ADGRA1: variants seen among roughly 807,000 people sequenced by gnomAD.
ADGRA1 encodes the protein adhesion G protein-coupled receptor A1, also known as G-protein coupled receptor 123.
ADGRA1 carries 12 observed loss-of-function variants against 21.3 expected under a neutral mutation model. The observed-to-expected ratio is 0.56, with a 90% CI of 0.36 to 0.91. The LOEUF is 0.91. Among genes scored for constraint, ADGRA1 ranks in the 40% least tolerant of loss-of-function variants. ADGRA1 has a pLI of 0.01. For synonymous variants in ADGRA1, 385 were observed against 368.8 expected, an observed-to-expected ratio of 1.04 and a Z score of -0.50; for missense variants, 790 against 805.6, an observed-to-expected ratio of 0.98 and a Z score of 0.23.
chr10:133,121,571 CATGCCTGTGCATGTGT>C (rs1852259162), intron 5 of ADGRA1, among the ~76,000 whole-genome samples: 1 of 133,638 alleles, frequency 7.5e-6, no homozygotes, highest in South Asian at 2.4e-4. Flanking sequence ...TGTTTGTGTG[CATGCCTGTGCATGTGT>C]GTGCCTGTGC....
chr10:133,104,169 C>T (rs1439781203), intron 5 of ADGRA1, among the ~76,000 whole-genome samples: 1 of 152,222 alleles, frequency 6.6e-6, no homozygotes, highest in Non-Finnish European at 1.5e-5. Context: ...CATTTGCACC[C>T]GGAGCATTTT....
In ADGRA1 at chr10:133,129,639, T is replaced by TTCCTTGTGATCACACCCCTGCCCCG; in HGVS notation, c.*152_*153insGTCCTTGTGATCACACCCCTGCCCC. 1 of 440,292 alleles carries TTCCTTGTGATCACACCCCTGCCCCG rather than the reference T, an allele frequency of 2.3e-6. No individual in the cohort carries two copies. Among genetic ancestry groups the TTCCTTGTGATCACACCCCTGCCCCG allele is most frequent in the Non-Finnish European group, 3.7e-6 (1 of 267,742 alleles). 27.3% of individuals were successfully genotyped at this position (440,292 alleles called of 1,614,324 possible). On this transcript the variant is annotated 3_prime_UTR_variant, in exon 7 of 7. Coordinates refer to ENST00000392607, the MANE Select transcript of ADGRA1 (RefSeq NM_001083909.3). ...CAGAAGCCGTTCACACCCCTGCCCC[T>TTCCTTGTGATCACACCCCTGCCCCG]TCCTTGTGATCACACCCCTGCCCCT...
chr10:133,123,654 C>T (rs540800427), intron 5 of ADGRA1, among the ~76,000 whole-genome samples: 16 of 152,214 alleles, frequency 1.1e-4, no homozygotes, highest in African/African-American at 3.6e-4. Flanking sequence ...GTCGAGAGGC[C>T]GTAAGGTCCG....
intron 5 of ADGRA1, among the ~76,000 whole-genome samples, chr10:133,109,676 G>A (rs1419503746): frequency 6.6e-6 from 1 of 152,180 alleles, no homozygotes; most frequent in East Asian, 1.9e-4. Flanking sequence ...TCCCCTCGAT[G>A]ACAATGACGG....
rs1852514584 is a variant in ADGRA1, at chr10:133,130,987, G to C, written c.*1476G>C. The C allele has an allele frequency of 6.6e-6, 1 of 152,262 alleles. No homozygotes were observed. The highest frequency in any genetic ancestry group is 1.5e-5 in the Non-Finnish European group (1 of 68,050). 9.4% of individuals were successfully genotyped at this position (152,262 alleles called of 1,614,324 possible). A position where few individuals can be genotyped will look rare whatever the true frequency, so the allele number is the denominator to read the frequency against. ...CCACCCACACACTGGGTTTGCATTG[G>C]AGATTGTTTCACCCTGCAAACGTCA... On this transcript the variant is annotated 3_prime_UTR_variant, in exon 7 of 7. Transcript: ENST00000392607.
At chr10:133,111,431 A>G (rs28674599) in intron 5 of ADGRA1, among the ~76,000 whole-genome samples, 200 of 996 alleles carry the variant, frequency 0.2, 9 homozygotes, top group Non-Finnish European at 0.21. Context: ...CCCACCACGG[A>G]CACCTCCCTC....
intron 3 of ADGRA1, 91 bp from the exon 4 acceptor site, chr10:133,098,548 CG>C (rs1851729616): frequency 6.7e-7 from 1 of 1,485,248 alleles, no homozygotes; most frequent in Non-Finnish European, 9.0e-7. Flanking sequence ...CCGGACTTCC[CG>C]GGGACAGAGC....
chr10:133,089,695 C>A (rs1446800717), intron 2 of ADGRA1, among the ~76,000 whole-genome samples: 1 of 152,222 alleles, frequency 6.6e-6, no homozygotes, highest in Non-Finnish European at 1.5e-5. Flanking sequence ...CGGAGCAGAC[C>A]CAGTGTTCGC....
In ADGRA1 at chr10:133,102,165, C is replaced by A. The variant is rs746187019; in HGVS notation, c.256-532C>A. ...TGCAGGGCCACACGAATGCCGGCCC[C>A]GTGGGGGGCTCATCCCACCCACAGT... On this transcript the variant is annotated intron_variant, in intron 4 of 6. Coordinates refer to ENST00000392607, the MANE Select transcript of ADGRA1 (RefSeq NM_001083909.3). 2.0e-5 allele frequency: 9 copies of A among 451,674 alleles called. No individual in the cohort carries two copies. In the East Asian group the frequency reaches 6.3e-4, roughly 32 times the overall value. The allele number at this position is 451,674 out of a possible 1,614,324, so 28.0% of individuals were successfully genotyped here. A position where few individuals can be genotyped will look rare whatever the true frequency, so the allele number is the denominator to read the frequency against.
In ADGRA1 at chr10:133,129,632, C is replaced by T. The variant is rs1359201275; in HGVS notation, c.*121C>T. On this transcript the variant is annotated 3_prime_UTR_variant, in exon 7 of 7. Transcript: ENST00000392607. ...CGCCTTTCAGAAGCCGTTCACACCC[C>T]TGCCCCTTCCTTGTGATCACACCCC... The T allele has an allele frequency of 5.9e-6, 3 of 505,400 alleles. No homozygotes were observed. The South Asian group carries it at 8.7e-5, about 15-fold the overall frequency. The allele number at this position is 505,400 out of a possible 1,614,324, so 31.3% of individuals were successfully genotyped here. A position where few individuals can be genotyped will look rare whatever the true frequency, so the allele number is the denominator to read the frequency against.
intron 5 of ADGRA1, among the ~76,000 whole-genome samples, chr10:133,126,126 G>A (rs749297913): frequency 7.9e-5 from 12 of 152,366 alleles, no homozygotes; most frequent in South Asian, 2.1e-4. Flanking sequence ...AAGGCCCACC[G>A]TGCAGGTCTG....
chr10:133,127,431 A>G, intron 6 of ADGRA1, 100 bp downstream of exon 6: 2 of 918,746 alleles, frequency 2.2e-6, no homozygotes, highest in Non-Finnish European at 3.3e-6. Flanking sequence ...AGGACGAAGC[A>G]GCAAGGCCTG....
chr10:133,107,675 G>A (rs1175134374), intron 5 of ADGRA1, among the ~76,000 whole-genome samples: 1 of 152,128 alleles, frequency 6.6e-6, no homozygotes, highest in Non-Finnish European at 1.5e-5. Flanking sequence ...GCATCCCTGA[G>A]CTGTCTCGTG....
rs1357974036 is a variant in ADGRA1, at chr10:133,128,856, G to T, written c.1028G>T (p.Cys343Phe). The T allele has an allele frequency of 2.5e-6, 4 of 1,581,134 alleles. No individual in the cohort carries two copies. The South Asian group carries it at 4.5e-5, about 18-fold the overall frequency. The change falls in exon 7 of 7, where the codon TGC becomes TTC. Residue 343 changes from cysteine to phenylalanine, a missense_variant. By Grantham distance (205) the Cys-to-Phe change is radical. Coordinates refer to ENST00000392607, the MANE Select transcript of ADGRA1 (RefSeq NM_001083909.3). ...ANGAALGRAA[C>F]LHSPGLGQPR... Reference sequence around the variant, plus strand: ...GGGGCCGCGCTGGGCCGCGCCGCCTGCCTGCACTCGCCGGGACTGGGCCAG... The same window carrying T: ...GGGGCCGCGCTGGGCCGCGCCGCCTTCCTGCACTCGCCGGGACTGGGCCAG...
At chr10:133,102,944 T>TGGTGA in intron 5 of ADGRA1, 102 bp downstream of exon 5, 1 of 1,300,364 alleles carries the variant, frequency 7.7e-7, no homozygotes, top group South Asian at 1.4e-5. Context: ...ACCAGGGGCC[T>TGGTGA]GAGGATGATC....
chr10:133,093,845 G>A (rs776370851), intron 2 of ADGRA1, among the ~76,000 whole-genome samples: 13 of 152,204 alleles, frequency 8.5e-5, no homozygotes, highest in Non-Finnish European at 1.5e-4. Flanking sequence ...AAGAAGAATC[G>A]GTGCATGTGC....
chr10:133,099,493 C>T (rs577510405), intron 4 of ADGRA1, among the ~76,000 whole-genome samples: 1 of 152,296 alleles, frequency 6.6e-6, no homozygotes, highest in East Asian at 1.9e-4. Flanking sequence ...GAGCACCGAG[C>T]ATTGAAAAGA....
intron 2 of ADGRA1, among the ~76,000 whole-genome samples, chr10:133,089,859 T>G (rs1851569360): frequency 6.6e-6 from 1 of 152,210 alleles, no homozygotes; most frequent in African/African-American, 2.4e-5. Context: ...CACTTACCTT[T>G]CAGACACCTG....
In ADGRA1 at chr10:133,128,438, C is replaced by T. The variant is rs752335589; in HGVS notation, c.610C>T (p.His204Tyr). 6.2e-7 allele frequency: 1 copy of T among 1,604,362 alleles called. No individual in the cohort carries two copies. The highest frequency in any genetic ancestry group is 1.1e-5 in the South Asian group (1 of 89,718). ...GGGCACCTACGTGCAGCTGCGGCGC[C>T]ACCCAGGGCGCAGGTACGAGCTGCG... ...FLGTYVQLRR[H>Y]PGRRYELRTQ... The change falls in exon 7 of 7, where the codon CAC (histidine) becomes TAC (tyrosine). Residue 204 changes from histidine (H) to tyrosine (Y), a missense_variant. By Grantham distance (83) the His-to-Tyr change is moderately conservative. Transcript: ENST00000392607.
Sources: allele counts gnomAD v4.1 joint callset (sites outside exome capture counted in the v4.1 genomes callset), GRCh38; gene constraint gnomAD v4.1.1; transcripts MANE v1.5; gene names NCBI Gene and HGNC (gene_info 2026-07-23, HGNC 2026-07-21).